PDZRN4: variants seen among roughly 807,000 people sequenced by gnomAD.
PDZRN4 encodes the protein PDZ domain-containing RING finger protein 4.
PDZRN4 carries 70 observed loss-of-function variants against 99.0 expected under a neutral mutation model. That is an observed-to-expected ratio of 0.71 (90% CI 0.58 to 0.86). The LOEUF (loss-of-function observed/expected upper bound fraction) is 0.86, where lower values mean the gene tolerates loss of function less well. PDZRN4 is among the 40% of genes least tolerant of loss of function. The pLI is 0.00. For missense variants in PDZRN4, 1,474 were observed against 1,331.2 expected, an observed-to-expected ratio of 1.11 and a Z score of -1.67; for synonymous variants, 551 against 501.6, an observed-to-expected ratio of 1.10 and a Z score of -1.32.
At chr12:41,225,347 A>C (rs546597905) in intron 3 of PDZRN4, among the ~76,000 whole-genome samples, 103 of 152,236 alleles carry the variant, frequency 6.8e-4, no homozygotes, top group Admixed American at 1.2e-3. Context: ...ATTGAAAGGA[A>C]GAAAGCTAAA....
chr12:41,454,173 T>C (rs1388456878), intron 3 of PDZRN4, among the ~76,000 whole-genome samples: 1 of 152,192 alleles, frequency 6.6e-6, no homozygotes, highest in African/African-American at 2.4e-5. Context: ...CCTAGGTTTT[T>C]CTTGGATCTA....
At chr12:41,240,317 C>T (rs1951093923) in intron 3 of PDZRN4, among the ~76,000 whole-genome samples, 1 of 152,094 alleles carries the variant, frequency 6.6e-6, no homozygotes, top group Admixed American at 6.6e-5. Context: ...ATTCAATTCC[C>T]ATATGTGCAT....
intron 3 of PDZRN4, among the ~76,000 whole-genome samples, chr12:41,352,334 A>T (rs1197004688): frequency 6.6e-6 from 1 of 152,150 alleles, no homozygotes; most frequent in Non-Finnish European, 1.5e-5. Context: ...GTTGATTTAG[A>T]TGGAACAGAC....
At position 41,573,201 on chromosome 12, in the gene PDZRN4, GAGA is replaced by G; in HGVS notation, c.2425_2427del (p.Lys809del). ...GCAAGGTTGTAGCGCTGAAAGCAAG[GAGA>G]AGGTTTTAGAAGGCAGCAAGCTTCC... On this transcript the variant is annotated inframe_deletion, in exon 10 of 10. Coordinates refer to ENST00000402685, the MANE Select transcript of PDZRN4 (RefSeq NM_001164595.2). 1 of 1,614,146 alleles carries G rather than the reference GAGA, an allele frequency of 6.2e-7. No individual in the cohort carries two copies. Among genetic ancestry groups the G allele is most frequent in the Non-Finnish European group, 8.5e-7 (1 of 1,180,018 alleles).
chr12:41,370,041 A>T (rs1197368771), intron 3 of PDZRN4, among the ~76,000 whole-genome samples: 3 of 151,942 alleles, frequency 2.0e-5, no homozygotes, highest in African/African-American at 7.2e-5. Flanking sequence ...TTTAATTCTT[A>T]TCCACCATTT....
chr12:41,542,315 C>G (rs1433287818), intron 5 of PDZRN4, among the ~76,000 whole-genome samples: 1 of 152,182 alleles, frequency 6.6e-6, no homozygotes, highest in African/African-American at 2.4e-5. Context: ...GGACAGTACT[C>G]TTCTATAAAA....
chr12:41,551,214 A>G (rs986437745), intron 5 of PDZRN4, among the ~76,000 whole-genome samples: 1 of 152,028 alleles, frequency 6.6e-6, no homozygotes, highest in Non-Finnish European at 1.5e-5. Context: ...CTGTCCTTAC[A>G]TGGTGGAAGA....
chr12:41,247,488 T>TG (rs918380954), intron 3 of PDZRN4, among the ~76,000 whole-genome samples: 6 of 152,184 alleles, frequency 3.9e-5, no homozygotes, highest in Non-Finnish European at 5.9e-5. Flanking sequence ...TGATTTAACT[T>TG]GGGGGGTTCC....
At chr12:41,494,198 G>A (rs1429112802) in intron 3 of PDZRN4, among the ~76,000 whole-genome samples, 1 of 152,024 alleles carries the variant, frequency 6.6e-6, no homozygotes, top group Non-Finnish European at 1.5e-5. Context: ...AAGGAAATAG[G>A]AGAATAAACT....
intron 3 of PDZRN4, among the ~76,000 whole-genome samples, chr12:41,346,643 A>G (rs1342381740): frequency 6.6e-6 from 1 of 152,096 alleles, no homozygotes; most frequent in Admixed American, 6.5e-5. Flanking sequence ...TTTATTTGGC[A>G]TTGATATAAA....
At chr12:41,261,529 G>C (rs1056077783) in intron 3 of PDZRN4, among the ~76,000 whole-genome samples, 1 of 152,206 alleles carries the variant, frequency 6.6e-6, no homozygotes, top group Admixed American at 6.5e-5. Context: ...TCGCTCTATC[G>C]CCCAGGCTGG....
intron 3 of PDZRN4, among the ~76,000 whole-genome samples, chr12:41,317,371 T>G (rs566607945): frequency 2.0e-5 from 3 of 152,030 alleles, no homozygotes; most frequent in African/African-American, 4.8e-5. Flanking sequence ...AAGGTCAGTC[T>G]TTTTTCTCTT....
At chr12:41,558,790 G>A (rs778942531) in intron 7 of PDZRN4, among the ~76,000 whole-genome samples, 8 of 152,108 alleles carry the variant, frequency 5.3e-5, no homozygotes, top group Non-Finnish European at 8.8e-5. Context: ...ATACAATTCT[G>A]TTTGCACACA....
chr12:41,393,299 G>T (rs1264735470), intron 3 of PDZRN4, among the ~76,000 whole-genome samples: 3 of 152,068 alleles, frequency 2.0e-5, no homozygotes, highest in Admixed American at 6.6e-5. Context: ...TATTTGCTGG[G>T]TAAATGCACG....
chr12:41,346,990 T>C (rs1000800487), intron 3 of PDZRN4, among the ~76,000 whole-genome samples: 1 of 152,174 alleles, frequency 6.6e-6, no homozygotes, highest in African/African-American at 2.4e-5. Context: ...ACTTCATTGG[T>C]TTTTATTGCT....
chr12:41,382,282 C>T (rs367591266), intron 3 of PDZRN4, among the ~76,000 whole-genome samples: 3 of 152,204 alleles, frequency 2.0e-5, no homozygotes, highest in South Asian at 2.1e-4. Flanking sequence ...TTGGTCAGAG[C>T]GTCAGACTGT....
rs1374884943 is a variant in PDZRN4, at chr12:41,572,864, G to C, written c.2085G>C (p.Gln695His). The C allele has an allele frequency of 6.2e-7, 1 of 1,614,144 alleles. No homozygotes were observed. Among genetic ancestry groups the C allele is most frequent in the Non-Finnish European group, 8.5e-7 (1 of 1,180,018 alleles). The change falls in exon 10 of 10, where the codon CAG becomes CAC. Residue 695 changes from glutamine to histidine, a missense_variant. By Grantham distance (24) the Gln-to-His change is conservative. Transcript: ENST00000402685. ...ACAGGCTCCAGAAAGTGACAGACCA[G>C]TATGGAGACATCTGGACATTGCATG... Reference protein sequence around the residue: ...QAHRLQKVTDQYGDIWTLHDG... With the variant: ...QAHRLQKVTDHYGDIWTLHDG...
chr12:41,234,700 T>C (rs1431114), intron 3 of PDZRN4, among the ~76,000 whole-genome samples: 101,558 of 151,950 alleles, frequency 0.67, 34,077 homozygotes, highest in South Asian at 0.73. Context: ...ACGTTTTCTT[T>C]TCTCAGTTGC....
chr12:41,406,991 A>T (rs1952355300), intron 3 of PDZRN4, among the ~76,000 whole-genome samples: 1 of 152,164 alleles, frequency 6.6e-6, no homozygotes, highest in Non-Finnish European at 1.5e-5. Flanking sequence ...CACTGACAAG[A>T]AATGCTACAA....
Sources: allele counts gnomAD v4.1 joint callset (sites outside exome capture counted in the v4.1 genomes callset), GRCh38; gene constraint gnomAD v4.1.1; transcripts MANE v1.5; gene names NCBI Gene and HGNC (gene_info 2026-07-23, HGNC 2026-07-21).